ZMYM4: variants seen among roughly 807,000 people sequenced by gnomAD.
ZMYM4 encodes the protein zinc finger MYM-type protein 4.
In ZMYM4, 31 loss-of-function variants were observed where a neutral mutation model predicts 183.2. The observed-to-expected ratio is 0.17, with a 90% confidence interval of 0.13 to 0.23. The LOEUF (loss-of-function observed/expected upper bound fraction) is 0.23. Among genes scored for constraint, ZMYM4 ranks in the 10% least tolerant of loss-of-function variants. The pLI is 1.00. For synonymous variants in ZMYM4, 592 were observed against 631.2 expected (o/e 0.94, Z 0.93); for missense variants, 1,273 against 1,840.3 (o/e 0.69, Z 5.64).
chr1:35,396,363 T>C (rs1384851192), intron 18 of ZMYM4, among the ~76,000 whole-genome samples, 189 bp from the exon 19 acceptor site: 3 of 152,226 alleles, frequency 2.0e-5, no homozygotes, highest in Non-Finnish European at 4.4e-5. Context: ...ACCCACTTTT[T>C]GTCAGTGCTA....
intron 7 of ZMYM4, among the ~76,000 whole-genome samples, chr1:35,373,288 C>T (rs1644255774): frequency 6.6e-6 from 1 of 150,726 alleles, no homozygotes; most frequent in South Asian, 2.1e-4. Context: ...AGGGTAGGAA[C>T]TTTGTGTATC....
intron 2 of ZMYM4, among the ~76,000 whole-genome samples, chr1:35,328,969 CCATCTACT>C (rs1217218767): frequency 6.6e-6 from 1 of 152,142 alleles, no homozygotes; most frequent in African/African-American, 2.4e-5. Context: ...GCTAGACCTA[CCATCTACT>C]CATTGCCCAA....
chr1:35,306,624 A>G (rs1641545333), intron 1 of ZMYM4, among the ~76,000 whole-genome samples: 1 of 152,146 alleles, frequency 6.6e-6, no homozygotes, highest in Non-Finnish European at 1.5e-5. Flanking sequence ...AAAATTTTTC[A>G]GTGGCTTTCC....
chr1:35,285,361 T>C (rs1409022657), intron 1 of ZMYM4, among the ~76,000 whole-genome samples: 2 of 152,222 alleles, frequency 1.3e-5, no homozygotes, highest in Non-Finnish European at 2.9e-5. Flanking sequence ...CAGCAATGTT[T>C]TGTACAGGTC....
Position 35,294,601 on chromosome 1 carries a change from A to T in ZMYM4, c.39+25516A>T, listed in dbSNP as rs990849407. Among the ~76,000 whole-genome samples, 17 of 152,336 alleles carry T rather than the reference A, an allele frequency of 1.1e-4. No individual in the cohort carries two copies. In the East Asian group the frequency reaches 3.3e-3, roughly 29 times the overall value. ...ATTCATGTCTATATAACAGTAGAGT[A>T]TATAGATCATTCGTGTTTGGATGGT... On this transcript the variant is annotated intron_variant, in intron 1 of 29. Coordinates refer to ENST00000314607, the MANE Select transcript of ZMYM4 (RefSeq NM_005095.3).
rs914311928 is a variant in ZMYM4, at chr1:35,307,476, TA to T, written c.40-17875del. 5.8e-4 allele frequency among the ~76,000 whole-genome samples: 88 copies of T among 150,838 alleles called. 1 individual carries two copies. The highest frequency in any genetic ancestry group is 2.0e-3 in the African/African-American group (83 of 41,370). On this transcript the variant is annotated intron_variant, in intron 1 of 29. Coordinates refer to ENST00000314607, the MANE Select transcript of ZMYM4 (RefSeq NM_005095.3). Reference sequence around the variant, plus strand: ...GTATCTGCAAACACATGCAGTACTTTAAAAAAAAATTTTAATTGTTTAAAAA... The same window carrying T: ...GTATCTGCAAACACATGCAGTACTTTAAAAAAAATTTTAATTGTTTAAAAA...
intron 25 of ZMYM4, among the ~76,000 whole-genome samples, chr1:35,407,188 C>G (rs570671796): frequency 2.0e-5 from 3 of 152,230 alleles, no homozygotes; most frequent in African/African-American, 7.2e-5. Flanking sequence ...AATCCCAGCA[C>G]TTTGGGAGGC....
At chr1:35,286,772 ATTTTTTTTTTTTTTTTTTTTTTTT>A (rs71062872) in intron 1 of ZMYM4, among the ~76,000 whole-genome samples, 2 of 46,464 alleles carry the variant, frequency 4.3e-5, no homozygotes, top group African/African-American at 6.6e-5. Context: ...TATTTAAATA[ATTTTTTTTTTTTTTTTTTTTTTTT>A]TTTTTTTTTT....
At chr1:35,364,108 A>G (rs1320514529) in intron 5 of ZMYM4, among the ~76,000 whole-genome samples, 2 of 152,254 alleles carry the variant, frequency 1.3e-5, no homozygotes, top group East Asian at 1.9e-4. Context: ...AAATTTTTAT[A>G]TACTTATTCA....
chr1:35,330,678 A>G (rs1642702427), intron 2 of ZMYM4, among the ~76,000 whole-genome samples: 1 of 152,220 alleles, frequency 6.6e-6, no homozygotes, highest in Non-Finnish European at 1.5e-5. Flanking sequence ...GTCTGCTGCA[A>G]CAACCTTTTT....
intron 5 of ZMYM4, 57 bp from the exon 6 acceptor site, chr1:35,369,972 G>A (rs1644168359): frequency 1.6e-6 from 2 of 1,272,192 alleles, no homozygotes; most frequent in Non-Finnish European, 2.2e-6. Context: ...ATGTCTGGAT[G>A]TCTTTAGGTA....
At position 35,389,986 on chromosome 1, in the gene ZMYM4, C is replaced by CA; in HGVS notation, c.2476dup (p.Ser826LysfsTer2). On this transcript the variant is annotated frameshift_variant, in exon 15 of 30. Transcript: ENST00000314607. LOFTEE classifies it high-confidence loss of function. The surrounding 1 kb of genome is among the most constrained non-coding windows in gnomAD (Gnocchi z 4.0). ...ATGCTTGTAAGCGACAGGGTAAACT[C>CA]AGTGAGTCCTTGAAATGGCGAGGGG... 6.2e-7 allele frequency: 1 copy of CA among 1,613,620 alleles called. No homozygotes were observed. Among genetic ancestry groups the CA allele is most frequent in the African/African-American group, 1.3e-5 (1 of 74,990 alleles).
At chr1:35,277,554 G>A (rs904022749) in intron 1 of ZMYM4, among the ~76,000 whole-genome samples, 1 of 152,094 alleles carries the variant, frequency 6.6e-6, no homozygotes, top group African/African-American at 2.4e-5. Context: ...TTTAGGTTCT[G>A]TCAGTGGGAT....
In ZMYM4 at chr1:35,356,893, G is replaced by A. The variant is rs536117717; in HGVS notation, c.86-2032G>A. Among the ~76,000 whole-genome samples, 9 of 151,548 alleles carry A rather than the reference G, an allele frequency of 5.9e-5. No individual in the cohort carries two copies. The South Asian group carries it at 1.9e-3, about 31-fold the overall frequency. On this transcript the variant is annotated intron_variant, in intron 2 of 29. Coordinates refer to ENST00000314607, the MANE Select transcript of ZMYM4 (RefSeq NM_005095.3). Reference sequence around the variant, plus strand: ...TTGAGCAAAGCTCAGAAAAAAAAAAGAAAGAAACAGGGGGTTGCCCTGTCA... The same window carrying A: ...TTGAGCAAAGCTCAGAAAAAAAAAAAAAAGAAACAGGGGGTTGCCCTGTCA...
chr1:35,396,587 C>T lies in ZMYM4; in HGVS notation c.2947C>T (p.Pro983Ser). Residue 983 changes from proline to serine, a missense_variant, in exon 19 of 30, where the codon CCA (proline) becomes TCA (serine). Physicochemically the swap from Pro to Ser is moderately conservative, Grantham distance 74. Transcript: ENST00000314607. ...TPSQPQIIVV[P>S]VPVPVFVPIP... is the part of the protein sequence containing the mutation. ...AAGTCAGCCCCAGATTATTGTGGTG[C>T]CAGTTCCCGTACCAGTGTTTGTTCC... 1 of 1,613,806 alleles carries T rather than the reference C, an allele frequency of 6.2e-7. No homozygotes were observed. The highest frequency in any genetic ancestry group is 8.5e-7 in the Non-Finnish European group (1 of 1,179,792).
intron 3 of ZMYM4, among the ~76,000 whole-genome samples, chr1:35,360,240 C>A (rs1457656934): frequency 6.6e-6 from 1 of 152,062 alleles, no homozygotes; most frequent in Non-Finnish European, 1.5e-5. Flanking sequence ...TAGTACTTAT[C>A]ACACAGTATT....
chr1:35,325,742 C>T (rs962960061), intron 2 of ZMYM4, among the ~76,000 whole-genome samples: 4 of 151,616 alleles, frequency 2.6e-5, no homozygotes, highest in African/African-American at 7.3e-5. Context: ...TTTGTGTTAT[C>T]GTATTTTTAG....
chr1:35,387,514 G>A lies in ZMYM4; in HGVS notation c.2173G>A (p.Val725Ile), dbSNP rs1191341262. 6.2e-7 allele frequency: 1 copy of A among 1,613,306 alleles called. No individual in the cohort carries two copies. The highest frequency in any genetic ancestry group is 8.5e-7 in the Non-Finnish European group (1 of 1,179,810). The change falls in exon 13 of 30, where the codon GTA becomes ATA. Residue 725 changes from valine to isoleucine, a missense_variant. Physicochemically the swap from Val to Ile is conservative, Grantham distance 29. This residue lies in a region of ZMYM4 where 319 missense variants were observed against 518.1 expected (regional missense o/e 0.62). Transcript: ENST00000314607. ...TGATGAATATAAGAAAATAAATAAT[G>A]TAATGGCAATGTGTGAATATTGTAA... ...CSDEYKKINNVMAMCEYCKIE... is the reference protein window; with the variant it reads ...CSDEYKKINNIMAMCEYCKIE...
chr1:35,360,269 T>C (rs1643907535), intron 3 of ZMYM4, among the ~76,000 whole-genome samples: 1 of 152,114 alleles, frequency 6.6e-6, no homozygotes, highest in South Asian at 2.1e-4. Flanking sequence ...ATATTTGTTT[T>C]ACCTTACCTA....
Sources: allele counts gnomAD v4.1 joint callset (sites outside exome capture counted in the v4.1 genomes callset), GRCh38; gene constraint gnomAD v4.1.1; regional missense constraint gnomAD v4.1.1; non-coding constraint Gnocchi (gnomAD v3.1); transcripts MANE v1.5; gene names NCBI Gene and HGNC (gene_info 2026-07-23, HGNC 2026-07-21).